Variants in FXR1 observed in about 807,000 individuals in gnomAD.
FXR1 encodes RNA-binding protein FXR1.
In FXR1, 15 loss-of-function variants were observed where a neutral mutation model predicts 84.0. That is an observed-to-expected ratio of 0.18 (90% CI 0.12 to 0.27). The LOEUF is 0.27. Among genes scored for constraint, FXR1 ranks in the 10% least tolerant of loss-of-function variants. The pLI, the probability that FXR1 is intolerant of heterozygous loss-of-function variation, is 1.00. For missense variants in FXR1, 480 were observed against 774.4 expected, an observed-to-expected ratio of 0.62 and a Z score of 4.51; for synonymous variants, 245 against 250.7, an observed-to-expected ratio of 0.98 and a Z score of 0.21.
chr3:180,964,444 G>C (rs1712534324), intron 13 of FXR1, among the ~76,000 whole-genome samples: 2 of 152,054 alleles, frequency 1.3e-5, no homozygotes, highest in Admixed American at 1.3e-4. Flanking sequence ...AAATGCTTTT[G>C]TTGAGAGTAG....
At chr3:180,942,377 C>CGA (rs776237511) in intron 3 of FXR1, among the ~76,000 whole-genome samples, 1 of 31,106 alleles carries the variant, frequency 3.2e-5, no homozygotes, top group East Asian at 1.4e-3. Flanking sequence ...GACTCCGTCT[C>CGA]AAAAAAAAAA....
intron 1 of FXR1, chr3:180,915,422 G>A (rs949569911): frequency 6.8e-6 from 6 of 877,244 alleles, no homozygotes; most frequent in Middle Eastern, 2.9e-4. Flanking sequence ...ATATAGAATC[G>A]TACACTATAT....
At chr3:180,955,948 T>A (rs1722702744) in intron 9 of FXR1, among the ~76,000 whole-genome samples, 1 of 152,236 alleles carries the variant, frequency 6.6e-6, no homozygotes, top group Admixed American at 6.5e-5. Context: ...CAGTGACTAT[T>A]ACACACTGGT....
intron 1 of FXR1, among the ~76,000 whole-genome samples, chr3:180,926,815 C>G (rs547081594): frequency 1.3e-5 from 2 of 151,748 alleles, no homozygotes; most frequent in South Asian, 4.2e-4. Flanking sequence ...AGGAAGGCAT[C>G]AGTGGGTCTT....
intron 1 of FXR1, among the ~76,000 whole-genome samples, chr3:180,919,706 C>T (rs1211005509): frequency 1.3e-5 from 2 of 152,024 alleles, no homozygotes; most frequent in Non-Finnish European, 2.9e-5. Flanking sequence ...TGGAGTCTTG[C>T]TCTGTTGCCC....
At chr3:180,954,865 T>C (rs1269418398) in intron 9 of FXR1, among the ~76,000 whole-genome samples, 2 of 137,430 alleles carry the variant, frequency 1.5e-5, no homozygotes, top group Non-Finnish European at 3.1e-5. Context: ...ACTTCCATTC[T>C]AAAAAGATTT....
rs548699131 is a variant in FXR1 at position 180,957,528 on chromosome 3, T to C, written c.881-291T>C. On this transcript the variant is annotated intron_variant, in intron 9 of 16. Coordinates refer to ENST00000357559, the MANE Select transcript of FXR1 (RefSeq NM_005087.4). ...AAATGGGTTGGATATTTTAAAAATA[T>C]GAAAATGATATAAGCATATTTTAAA... 2.1e-5 allele frequency: 5 copies of C among 233,308 alleles called. No homozygotes were observed. The East Asian group carries it at 4.3e-4, about 20-fold the overall frequency. The allele number at this position is 233,308 out of a possible 1,614,324, so 14.5% of individuals were successfully genotyped here.
chr3:180,956,793 A>G (rs1367395767), intron 9 of FXR1, among the ~76,000 whole-genome samples: 3 of 152,072 alleles, frequency 2.0e-5, no homozygotes, highest in Non-Finnish European at 4.4e-5. Context: ...AGAAAAACCC[A>G]TTATAGTCCT....
At chr3:180,918,032 A>C (rs1308509770) in intron 1 of FXR1, among the ~76,000 whole-genome samples, 1 of 152,062 alleles carries the variant, frequency 6.6e-6, no homozygotes, top group Non-Finnish European at 1.5e-5. Flanking sequence ...AGCAACACAT[A>C]ATTACGAAAA....
At chr3:180,935,735 A>G (rs781728015) in intron 3 of FXR1, among the ~76,000 whole-genome samples, 13 of 152,024 alleles carry the variant, frequency 8.6e-5, no homozygotes, top group Non-Finnish European at 1.8e-4. Flanking sequence ...CAGAAAAGCA[A>G]AAAAAATACA....
chr3:180,959,072 C>G (rs1378533685), intron 10 of FXR1, among the ~76,000 whole-genome samples: 1 of 152,062 alleles, frequency 6.6e-6, no homozygotes, highest in Non-Finnish European at 1.5e-5. Flanking sequence ...TCCCAAAGTG[C>G]TGGGATTACG....
chr3:180,949,436 G>C, intron 7 of FXR1, 93 bp downstream of exon 7: 1 of 754,018 alleles, frequency 1.3e-6, no homozygotes, highest in Non-Finnish European at 2.4e-6. Flanking sequence ...GCCCAGGCTA[G>C]AGTGCAGTGG....
intron 10 of FXR1, among the ~76,000 whole-genome samples, chr3:180,958,176 A>G (rs1711569770): frequency 6.6e-6 from 1 of 152,182 alleles, no homozygotes. Flanking sequence ...TCTATTTGAT[A>G]ATCTTAACAG....
At position 180,975,391 on chromosome 3, in the gene FXR1, A is replaced by G; in HGVS notation, c.1682A>G (p.Asn561Ser). The G allele has an allele frequency of 6.9e-7, 1 of 1,442,482 alleles. No individual in the cohort carries two copies. The highest frequency in any genetic ancestry group is 9.6e-7 in the Non-Finnish European group (1 of 1,037,410). 89.4% of individuals were successfully genotyped at this position (1,442,482 alleles called of 1,614,324 possible). A position where few individuals can be genotyped will look rare whatever the true frequency, so the allele number is the denominator to read the frequency against. The change falls in exon 16 of 17, where the codon AAC (asparagine) becomes AGC (serine). Residue 561 changes from asparagine (N) to serine (S), a missense_variant. Coordinates refer to ENST00000357559, the MANE Select transcript of FXR1 (RefSeq NM_005087.4). ...CTCCCAAGGGAAACTTTGGCTAAAAACAAGAAAGAAATGGTAAGGAGAATT... is the reference window on the plus strand; with the variant it reads ...CTCCCAAGGGAAACTTTGGCTAAAAGCAAGAAAGAAATGGTAAGGAGAATT... ...RNLPRETLAKNKKEMAKDVIE... is the reference protein window; with the variant it reads ...RNLPRETLAKSKKEMAKDVIE...
chr3:180,944,682 A>G (rs138930365), intron 3 of FXR1, among the ~76,000 whole-genome samples: 1 of 152,064 alleles, frequency 6.6e-6, no homozygotes, highest in Non-Finnish European at 1.5e-5. Context: ...TAGTGAAGCA[A>G]ACACAACTCA....
chr3:180,979,203 A>G lies in FXR1; in HGVS notation c.*2911A>G, dbSNP rs540543851. On this transcript the variant is annotated 3_prime_UTR_variant, in exon 17 of 17. Coordinates refer to ENST00000357559, the MANE Select transcript of FXR1 (RefSeq NM_005087.4). ...TTAACTAAATCTTGGACTGGGAAAC[A>G]GCACCATTTGTATCCTCTGCAAACA... 7 of 152,220 alleles carry G rather than the reference A, an allele frequency of 4.6e-5. No homozygotes were observed. In the South Asian group the frequency reaches 1.2e-3, roughly 27 times the overall value. 9.4% of individuals were successfully genotyped at this position (152,220 alleles called of 1,614,324 possible).
At chr3:180,930,513 G>A (rs1719761880) in intron 1 of FXR1, among the ~76,000 whole-genome samples, 2 of 152,198 alleles carry the variant, frequency 1.3e-5, no homozygotes, top group Non-Finnish European at 2.9e-5. Flanking sequence ...ACAGAGACTA[G>A]AAAGATTAAT....
chr3:180,913,274 TG>T (rs943361146), intron 1 of FXR1, among the ~76,000 whole-genome samples: 1 of 152,140 alleles, frequency 6.6e-6, no homozygotes, highest in Non-Finnish European at 1.5e-5. Context: ...CTGAGGAGAA[TG>T]GGGGTACCGG....
At chr3:180,917,277 G>T (rs536951817) in intron 1 of FXR1, among the ~76,000 whole-genome samples, 1 of 151,700 alleles carries the variant, frequency 6.6e-6, no homozygotes, top group African/African-American at 2.4e-5. Context: ...ATTATGCATA[G>T]ATATATTAAT....
Sources: gnomAD v4.1 joint callset for allele counts (sites outside exome capture counted in the v4.1 genomes callset) on GRCh38, gnomAD v4.1.1 for gene constraint, MANE v1.5 for transcripts, NCBI Gene and HGNC (gene_info 2026-07-23, HGNC 2026-07-21) for gene names.